LCLAT1: variants seen among roughly 807,000 people sequenced by gnomAD.
LCLAT1 encodes lysocardiolipin acyltransferase 1.
LCLAT1 carries 11 observed loss-of-function variants against 30.7 expected under a neutral mutation model. That is an observed-to-expected ratio of 0.36 (90% CI 0.23 to 0.59). LCLAT1 has a LOEUF of 0.59. LCLAT1 is among the 20% of genes least tolerant of loss of function. LCLAT1 has a pLI of 0.77. For missense variants in LCLAT1, 402 were observed against 458.6 expected (o/e 0.88, Z 1.13); for synonymous variants, 155 against 151.3 (o/e 1.02, Z -0.18).
intron 1 of LCLAT1, among the ~76,000 whole-genome samples, chr2:30,508,171 C>A (rs1208762385): frequency 6.6e-6 from 1 of 151,992 alleles, no homozygotes; most frequent in Non-Finnish European, 1.5e-5. Context: ...TTTATAGATG[C>A]TGGATATTAG....
intron 1 of LCLAT1, among the ~76,000 whole-genome samples, chr2:30,523,994 T>C (rs754012003): frequency 3.9e-5 from 6 of 152,224 alleles, no homozygotes; most frequent in Non-Finnish European, 5.9e-5. Context: ...ATGTATTCTG[T>C]TTCCTGTTGT....
chr2:30,547,766 C>G (rs913302887), intron 3 of LCLAT1, among the ~76,000 whole-genome samples: 2 of 151,996 alleles, frequency 1.3e-5, no homozygotes, highest in Non-Finnish European at 2.9e-5. Context: ...TGGGGCCAGA[C>G]TTTATTTTAC....
chr2:30,603,980 T>A (rs1408488208), intron 5 of LCLAT1, among the ~76,000 whole-genome samples: 1 of 152,206 alleles, frequency 6.6e-6, no homozygotes, highest in Non-Finnish European at 1.5e-5. Context: ...ATGTAATTGC[T>A]ACTACATAAT....
At chr2:30,462,230 A>G (rs1296331603) in intron 1 of LCLAT1, among the ~76,000 whole-genome samples, 6 of 152,216 alleles carry the variant, frequency 3.9e-5, no homozygotes, top group Non-Finnish European at 5.9e-5. Flanking sequence ...ACAACAAAAG[A>G]AAACAAGCAC....
At chr2:30,460,035 G>A (rs900511224) in intron 1 of LCLAT1, among the ~76,000 whole-genome samples, 3 of 152,150 alleles carry the variant, frequency 2.0e-5, no homozygotes, top group East Asian at 3.8e-4. Context: ...GTTTAGAGTC[G>A]AAAATATTAA....
At chr2:30,463,486 A>T (rs1464839907) in intron 1 of LCLAT1, among the ~76,000 whole-genome samples, 2 of 152,206 alleles carry the variant, frequency 1.3e-5, no homozygotes, top group Admixed American at 1.3e-4. Flanking sequence ...GTTAATGTAT[A>T]GTCAGCCCCT....
intron 1 of LCLAT1, among the ~76,000 whole-genome samples, chr2:30,515,581 G>T (rs1015427650): frequency 6.6e-6 from 1 of 152,164 alleles, no homozygotes; most frequent in African/African-American, 2.4e-5. Context: ...TGGTCATTTG[G>T]AAAAACTTGT....
At position 30,461,770 on chromosome 2, in the gene LCLAT1, C is replaced by CCTTTTTTTTTTTTTTTTTTTTTTTTTT. The variant is rs760622200; in HGVS notation, c.-5+14387_-5+14388insCTTTTTTTTTTTTTTTTTTTTTTTTTT. On this transcript the variant is annotated intron_variant, in intron 1 of 5. Transcript: ENST00000379509. The stretch of plus-strand genomic sequence containing the variant: ...TGTGGACCACTTTTTCTAAATTAAA[C>CCTTTTTTTTTTTTTTTTTTTTTTTTTT]TTTTTTTTTTTTTTTTTTGAGACGG... Among the ~76,000 whole-genome samples, 191 of 131,746 alleles carry CCTTTTTTTTTTTTTTTTTTTTTTTTTT rather than the reference C, an allele frequency of 1.4e-3. 15 individuals carry two copies. The highest frequency in any genetic ancestry group is 4.1e-3 in the Middle Eastern group (1 of 244). 86.4% of individuals were successfully genotyped at this position (131,746 alleles called of 152,430 possible). A position where few individuals can be genotyped will look rare whatever the true frequency, so the allele number is the denominator to read the frequency against.
At chr2:30,522,086 T>C (rs1426763673) in intron 1 of LCLAT1, among the ~76,000 whole-genome samples, 2 of 152,244 alleles carry the variant, frequency 1.3e-5, no homozygotes, top group Admixed American at 6.5e-5. Context: ...CGGTTTTGTT[T>C]ATCCATTCTC....
Position 30,525,695 on chromosome 2 carries a change from C to A in LCLAT1, c.105C>A (p.Asn35Lys). The change falls in exon 2 of 6, where the codon AAC becomes AAA. Residue 35 changes from asparagine (N) to lysine (K), a missense_variant. Transcript: ENST00000379509. The stretch of plus-strand genomic sequence containing the variant: ...CCTTTTTACCTTTGATGTTTGTAAA[C>A]CCATCTTGGTATCGCTGGATCAACA... Reference protein sequence around the residue: ...LSPFLPLMFVNPSWYRWINNR... With the variant: ...LSPFLPLMFVKPSWYRWINNR... 6.2e-7 allele frequency: 1 copy of A among 1,613,932 alleles called. No homozygotes were observed. The highest frequency in any genetic ancestry group is 8.5e-7 in the Non-Finnish European group (1 of 1,179,926).
At chr2:30,461,045 G>A (rs983974284) in intron 1 of LCLAT1, among the ~76,000 whole-genome samples, 3 of 152,160 alleles carry the variant, frequency 2.0e-5, no homozygotes, top group African/African-American at 7.2e-5. Flanking sequence ...ATGAAACTGT[G>A]ATTGTATAGT....
Position 30,568,072 on chromosome 2 carries a change from C to T in LCLAT1, c.524C>T (p.Ser175Phe). Residue 175 changes from serine to phenylalanine, a missense_variant, in exon 5 of 6, where the codon TCT becomes TTT. Transcript: ENST00000379509. ...TTGTTTTGTTTAGAAAACAGCAAGT[C>T]TCGAAGTAATGCATTTGCTGAAAAA... ...EGTDLTENSK[S>F]RSNAFAEKNG... The T allele has an allele frequency of 6.4e-7, 1 of 1,556,032 alleles. No homozygotes were observed. Among genetic ancestry groups the T allele is most frequent in the Non-Finnish European group, 8.8e-7 (1 of 1,132,994 alleles).
At chr2:30,497,614 T>A (rs1417649734) in intron 1 of LCLAT1, among the ~76,000 whole-genome samples, 1 of 152,234 alleles carries the variant, frequency 6.6e-6, no homozygotes, top group Non-Finnish European at 1.5e-5. Flanking sequence ...TTTGCTTAAG[T>A]TTAGTGACTA....
Position 30,640,856 on chromosome 2 carries a change from G to T in LCLAT1, c.*237G>T. 2.3e-6 allele frequency: 1 copy of T among 427,964 alleles called. No individual in the cohort carries two copies. Among genetic ancestry groups the T allele is most frequent in the Non-Finnish European group, 4.1e-6 (1 of 244,016 alleles). The allele number at this position is 427,964 out of a possible 1,614,324, so 26.5% of individuals were successfully genotyped here. ...GGGAGTGATCGGGGTGAAATAACTT[G>T]GGCCAGAATATTATTAAACAATCAT... is the stretch of plus-strand genomic sequence containing the variant. On this transcript the variant is annotated 3_prime_UTR_variant, in exon 6 of 6. Transcript: ENST00000379509.
chr2:30,520,642 G>A (rs1385981919), intron 1 of LCLAT1, among the ~76,000 whole-genome samples: 3 of 152,180 alleles, frequency 2.0e-5, no homozygotes, highest in Non-Finnish European at 4.4e-5. Flanking sequence ...AGGTCGGCAT[G>A]TAAAATATAT....
intron 1 of LCLAT1, among the ~76,000 whole-genome samples, chr2:30,499,433 C>T (rs1261138467): frequency 2.6e-5 from 4 of 152,214 alleles, no homozygotes; most frequent in Admixed American, 6.5e-5. Flanking sequence ...CTGCCCACCT[C>T]GGCCTCCCAA....
intron 1 of LCLAT1, among the ~76,000 whole-genome samples, chr2:30,498,923 C>T (rs1308818555): frequency 1.3e-5 from 2 of 152,082 alleles, no homozygotes; most frequent in Non-Finnish European, 2.9e-5. Flanking sequence ...TCTAAAGTTA[C>T]GTGTTTGTGA....
At chr2:30,583,815 T>C (rs1666308235) in intron 5 of LCLAT1, among the ~76,000 whole-genome samples, 1 of 152,180 alleles carries the variant, frequency 6.6e-6, no homozygotes, top group South Asian at 2.1e-4. Flanking sequence ...GTGTAGCCAC[T>C]CAGGATTTTA....
At chr2:30,585,561 G>A (rs1005375693) in intron 5 of LCLAT1, among the ~76,000 whole-genome samples, 2 of 152,134 alleles carry the variant, frequency 1.3e-5, no homozygotes, top group Non-Finnish European at 2.9e-5. Flanking sequence ...TGCTCCACCT[G>A]TTAAACGTTA....
Sources: gnomAD v4.1 joint callset for allele counts (sites outside exome capture counted in the v4.1 genomes callset) on GRCh38, gnomAD v4.1.1 for gene constraint, MANE v1.5 for transcripts, NCBI Gene and HGNC (gene_info 2026-07-23, HGNC 2026-07-21) for gene names.